AGBL4: variants seen among roughly 807,000 people sequenced by gnomAD.
AGBL4 encodes AGBL carboxypeptidase 4.
In AGBL4, 58 loss-of-function variants were observed where a neutral mutation model predicts 66.4. The observed-to-expected ratio is 0.87, with a 90% CI of 0.71 to 1.09. AGBL4 has a LOEUF of 1.09. AGBL4 is among the 50% of genes least tolerant of loss of function. The probability of loss-of-function intolerance (pLI) is 0.00; values close to 1 mark genes in which losing one functional copy is unlikely to be tolerated. For synonymous variants in AGBL4, 234 were observed against 222.9 expected, an observed-to-expected ratio of 1.05 and a Z score of -0.44; for missense variants, 579 against 631.0, an observed-to-expected ratio of 0.92 and a Z score of 0.88.
At chr1:49,127,209 G>A (rs992832450) in intron 4 of AGBL4, among the ~76,000 whole-genome samples, 8 of 152,168 alleles carry the variant, frequency 5.3e-5, no homozygotes, top group African/African-American at 1.9e-4. Context: ...TTTGGATTGT[G>A]AAGAAAGAAG....
intron 6 of AGBL4, among the ~76,000 whole-genome samples, chr1:48,756,568 G>A (rs1186732841): frequency 6.6e-6 from 1 of 152,228 alleles, no homozygotes; most frequent in African/African-American, 2.4e-5. Flanking sequence ...AAGGAAAGAA[G>A]GACATGAGCT....
At chr1:48,764,357 C>G (rs1481198926) in intron 6 of AGBL4, among the ~76,000 whole-genome samples, 1 of 152,104 alleles carries the variant, frequency 6.6e-6, no homozygotes, top group African/African-American at 2.4e-5. Flanking sequence ...ATTACCAATT[C>G]TATGTGTTAA....
At chr1:49,776,581 T>G (rs1366149757) in intron 2 of AGBL4, among the ~76,000 whole-genome samples, 3 of 152,084 alleles carry the variant, frequency 2.0e-5, no homozygotes, top group East Asian at 1.9e-4. Flanking sequence ...TTTCAGAGCT[T>G]TTTTTATGTT....
intron 3 of AGBL4, among the ~76,000 whole-genome samples, chr1:49,595,343 C>A (rs925637076): frequency 5.9e-5 from 9 of 152,138 alleles, no homozygotes; most frequent in African/African-American, 2.2e-4. Flanking sequence ...CCTGTCTCGG[C>A]CTCCCAAAGT....
chr1:49,939,909 T>C (rs372484683), intron 1 of AGBL4, among the ~76,000 whole-genome samples: 151 of 152,034 alleles, frequency 9.9e-4, no homozygotes, highest in African/African-American at 3.5e-3. Context: ...TCAGAGTGAA[T>C]AGGCAACCTA....
At chr1:48,806,868 T>C (rs898452869) in intron 6 of AGBL4, among the ~76,000 whole-genome samples, 2 of 152,042 alleles carry the variant, frequency 1.3e-5, no homozygotes, top group African/African-American at 4.8e-5. Flanking sequence ...ACAGCGAGGG[T>C]TACCATATGA....
rs547501338 is a variant in AGBL4 at position 49,333,244 on chromosome 1, C to A, written c.283-87380G>T. On this transcript the variant is annotated intron_variant, in intron 3 of 13. Coordinates refer to ENST00000371839, the MANE Select transcript of AGBL4 (RefSeq NM_032785.4). ...CCTGTAATCCCAGTACTTTGGGAGG[C>A]CAAGGCGGGTGGATCATGAGGTCAG... is the stretch of plus-strand genomic sequence containing the variant. Among the ~76,000 whole-genome samples, 49 of 152,240 alleles carry A rather than the reference C, an allele frequency of 3.2e-4. No individual in the cohort carries two copies. The Middle Eastern group carries it at 0.017, about 53-fold the overall frequency.
chr1:49,599,046 A>G (rs1023189030), intron 3 of AGBL4, among the ~76,000 whole-genome samples: 2 of 152,162 alleles, frequency 1.3e-5, no homozygotes, highest in Non-Finnish European at 2.9e-5. Context: ...GATCAGGGAT[A>G]TTGGCCTGAA....
At chr1:49,004,265 G>C (rs537010668) in intron 5 of AGBL4, among the ~76,000 whole-genome samples, 1 of 152,302 alleles carries the variant, frequency 6.6e-6, no homozygotes, top group East Asian at 1.9e-4. Context: ...GCGGCTCCTA[G>C]TGTTGGACAC....
In AGBL4 at chr1:48,736,155, T is replaced by G; in HGVS notation, c.635-72914A>C. 6.9e-7 allele frequency: 1 copy of G among 1,447,100 alleles called. No individual in the cohort carries two copies. The allele number at this position is 1,447,100 out of a possible 1,614,324, so 89.6% of individuals were successfully genotyped here. A position where few individuals can be genotyped will look rare whatever the true frequency, so the allele number is the denominator to read the frequency against. On this transcript the variant is annotated intron_variant, in intron 6 of 13. Transcript: ENST00000371839. The surrounding 1 kb of genome is among the most constrained non-coding windows in gnomAD (Gnocchi z 4.0). ...TGGCATGCAGAAGCTTCATAAGTAA[T>G]CGTTGAATTGAATTGTGCCTAACAC...
chr1:49,283,653 C>T (rs1474803910), intron 3 of AGBL4, among the ~76,000 whole-genome samples: 1 of 151,062 alleles, frequency 6.6e-6, no homozygotes, highest in East Asian at 1.9e-4. Context: ...ACTAGAATAA[C>T]CAATACAGAG....
intron 4 of AGBL4, among the ~76,000 whole-genome samples, chr1:49,094,665 TA>T (rs764109427): frequency 1.3e-5 from 2 of 152,132 alleles, no homozygotes; most frequent in Non-Finnish European, 2.9e-5. Context: ...CTCAATAAAT[TA>T]GGTATTGATG....
At position 48,674,110 on chromosome 1, in the gene AGBL4, C is replaced by G. The variant is rs143087993; in HGVS notation, c.635-10869G>C. On this transcript the variant is annotated intron_variant, in intron 6 of 13. Transcript: ENST00000371839. The stretch of plus-strand genomic sequence containing the variant: ...CTGTTGTTTCACCTACTCATCACAC[C>G]TCCTCACACCTTTCTAGTTTCCTCA... 9.0e-3 allele frequency among the ~76,000 whole-genome samples: 1,377 copies of G among 152,292 alleles called. 15 individuals carry two copies. The highest frequency in any genetic ancestry group is 0.031 in the African/African-American group (1,283 of 41,572).
chr1:49,983,248 T>C (rs1432828678), intron 1 of AGBL4, among the ~76,000 whole-genome samples: 1 of 152,216 alleles, frequency 6.6e-6, no homozygotes. Context: ...AAACCAGAAC[T>C]GTGACACCCT....
intron 5 of AGBL4, among the ~76,000 whole-genome samples, chr1:48,963,847 G>C (rs1198766022): frequency 6.6e-6 from 1 of 152,144 alleles, no homozygotes. Context: ...GCATTTTACA[G>C]TTTACAAAGT....
intron 5 of AGBL4, among the ~76,000 whole-genome samples, chr1:48,876,356 G>A (rs749854364): frequency 3.5e-4 from 53 of 152,190 alleles, no homozygotes; most frequent in Non-Finnish European, 5.4e-4. Context: ...AGTCAGATGG[G>A]GGTTGTGCTA....
chr1:49,969,473 T>C (rs1055691178), intron 1 of AGBL4, among the ~76,000 whole-genome samples: 1 of 152,142 alleles, frequency 6.6e-6, no homozygotes, highest in African/African-American at 2.4e-5. Context: ...CTCTAGGACT[T>C]ATTCATCTGG....
chr1:49,858,079 A>C (rs1028250710), intron 1 of AGBL4, among the ~76,000 whole-genome samples: 4 of 152,164 alleles, frequency 2.6e-5, no homozygotes, highest in African/African-American at 9.7e-5. Flanking sequence ...TATTTCTCAA[A>C]AGGAGACATA....
At chr1:49,416,130 G>T (rs1007762125) in intron 3 of AGBL4, among the ~76,000 whole-genome samples, 3 of 151,958 alleles carry the variant, frequency 2.0e-5, no homozygotes, top group African/African-American at 7.2e-5. Flanking sequence ...ATGGTTTGCT[G>T]TTGTTTTTTT....
Sources: allele counts gnomAD v4.1 joint callset (sites outside exome capture counted in the v4.1 genomes callset), GRCh38; gene constraint gnomAD v4.1.1; non-coding constraint Gnocchi (gnomAD v3.1); transcripts MANE v1.5; gene names NCBI Gene and HGNC (gene_info 2026-07-23, HGNC 2026-07-21).